CLASP2: variants seen among roughly 807,000 people sequenced by gnomAD.
CLASP2 encodes the protein CLIP-associating protein 2.
Under a neutral mutation model 194.4 loss-of-function variants are expected in CLASP2, and 47 were observed. The observed-to-expected ratio is 0.24, with a 90% CI of 0.19 to 0.31. The LOEUF is 0.31. Ranked by LOEUF, CLASP2 falls within the 10% of genes least tolerant of loss-of-function variation. The pLI, the probability that CLASP2 is intolerant of heterozygous loss-of-function variation, is 1.00. For missense variants in CLASP2, 1,445 were observed against 1,823.6 expected (o/e 0.79, Z 3.78); for synonymous variants, 619 against 633.5 (o/e 0.98, Z 0.34).
intron 16 of CLASP2, 104 bp from the exon 17 acceptor site, chr3:33,604,313 C>CT: frequency 1.5e-6 from 1 of 677,244 alleles, no homozygotes; most frequent in Admixed American, 2.8e-5. Flanking sequence ...AGAAGTATTT[C>CT]TTTTTTCTTT....
At chr3:33,677,635 C>CA (rs1559613211) in intron 6 of CLASP2, among the ~76,000 whole-genome samples, 12 of 150,010 alleles carry the variant, frequency 8.0e-5, no homozygotes, top group Non-Finnish European at 3.0e-5. Flanking sequence ...AGCACACCAG[C>CA]ATGTCACATG....
intron 6 of CLASP2, among the ~76,000 whole-genome samples, chr3:33,679,782 G>A (rs988953381): frequency 5.3e-5 from 8 of 152,164 alleles, no homozygotes; most frequent in Non-Finnish European, 8.8e-5. Flanking sequence ...CACTGCTGGT[G>A]GGAATACAAA....
intron 1 of CLASP2, among the ~76,000 whole-genome samples, chr3:33,698,689 T>G (rs2092147891): frequency 6.6e-6 from 1 of 152,192 alleles, no homozygotes; most frequent in Non-Finnish European, 1.5e-5. Context: ...CATTGAAACC[T>G]AACTCAACTC....
rs766114389 is a variant in CLASP2, at chr3:33,607,455, T to G, written c.1455A>C (p.Ala485=). Residue 485 remains alanine (A), a synonymous_variant, in exon 15 of 39, where the codon GCA becomes GCC. Transcript: ENST00000682230. ...EWQTHSLERH[A]AVLVETIKKG... ...TTTTAATAGTTTCAACCAAGACGGC[T>G]GCATGTCTATAAAATAAAATACATC... The G allele has an allele frequency of 1.7e-5, 27 of 1,604,404 alleles. No homozygotes were observed. Among genetic ancestry groups the G allele is most frequent in the Non-Finnish European group, 2.2e-5 (26 of 1,175,204 alleles).
chr3:33,613,386 T>C (rs1250543316), intron 12 of CLASP2, among the ~76,000 whole-genome samples: 2 of 152,136 alleles, frequency 1.3e-5, no homozygotes, highest in Non-Finnish European at 2.9e-5. Context: ...ATATGGGCAA[T>C]ACTGGGAAGG....
At chr3:33,500,829 C>T (rs1285168389) in intron 38 of CLASP2, among the ~76,000 whole-genome samples, 1 of 152,188 alleles carries the variant, frequency 6.6e-6, no homozygotes, top group Non-Finnish European at 1.5e-5. Context: ...GTGCTTTCTG[C>T]TAAATGGTTC....
chr3:33,701,896 T>G (rs184850710), intron 1 of CLASP2, among the ~76,000 whole-genome samples: 9 of 152,130 alleles, frequency 5.9e-5, no homozygotes, highest in African/African-American at 1.7e-4. Context: ...TCTTTACACC[T>G]GGAGTACACA....
intron 1 of CLASP2, among the ~76,000 whole-genome samples, chr3:33,702,770 A>C (rs890254461): frequency 6.6e-6 from 1 of 152,184 alleles, no homozygotes; most frequent in African/African-American, 2.4e-5. Flanking sequence ...CCCATTTTTT[A>C]AAATGAGCAA....
chr3:33,542,917 G>C (rs1442348079), intron 32 of CLASP2, among the ~76,000 whole-genome samples: 1 of 151,956 alleles, frequency 6.6e-6, no homozygotes, highest in South Asian at 2.1e-4. Context: ...AGGCTGTCAG[G>C]TTTTCTTTCC....
chr3:33,602,015 CTTTTTT>C (rs1163557505), intron 18 of CLASP2, among the ~76,000 whole-genome samples: 1 of 140,116 alleles, frequency 7.1e-6, no homozygotes. Context: ...TCCGAAATAC[CTTTTTT>C]TTTTTTTTTT....
chr3:33,673,280 C>T (rs1197930146), intron 6 of CLASP2, among the ~76,000 whole-genome samples: 1 of 152,112 alleles, frequency 6.6e-6, no homozygotes. Flanking sequence ...AGAGTGGGGG[C>T]CAATATTCAA....
Position 33,626,988 on chromosome 3 carries a change from T to C in CLASP2, c.1035A>G (p.Ala345=), listed in dbSNP as rs761731719. The C allele has an allele frequency of 3.8e-6, 6 of 1,564,144 alleles. No individual in the cohort carries two copies. In the East Asian group the frequency reaches 1.4e-4, roughly 35 times the overall value. The change falls in exon 10 of 39, where the codon GCA becomes GCG. Residue 345 remains alanine, a splice_region_variant and synonymous_variant. Transcript: ENST00000682230. ...DKHDWDQRAN[A]LKKIRSLLVA... Reference sequence around the variant, plus strand: ...AAGAAAATTAAAGACAAAAACTTACTGCATTGGCACGCTGATCCCAGTCAT... The same window carrying C: ...AAGAAAATTAAAGACAAAAACTTACCGCATTGGCACGCTGATCCCAGTCAT...
chr3:33,685,899 AGAAGTTCTG>A (rs2090605760), intron 5 of CLASP2, among the ~76,000 whole-genome samples: 1 of 152,134 alleles, frequency 6.6e-6, no homozygotes, highest in Admixed American at 6.6e-5. Flanking sequence ...GGGAAGATGA[AGAAGTTCTG>A]GAGCTAGATG....
intron 2 of CLASP2, among the ~76,000 whole-genome samples, chr3:33,691,952 T>C (rs2091400506): frequency 6.6e-6 from 1 of 152,146 alleles, no homozygotes; most frequent in African/African-American, 2.4e-5. Flanking sequence ...AGTGGATCAC[T>C]TGGGGCCAGG....
At chr3:33,515,884 T>C in intron 36 of CLASP2, 139 bp downstream of exon 36, 1 of 721,186 alleles carries the variant, frequency 1.4e-6, no homozygotes, top group South Asian at 3.6e-5. Flanking sequence ...AAAAATATGC[T>C]TGCATCTCGA....
intron 9 of CLASP2, among the ~76,000 whole-genome samples, chr3:33,628,602 T>A (rs1331016641): frequency 6.6e-6 from 1 of 152,148 alleles, no homozygotes; most frequent in African/African-American, 2.4e-5. Context: ...TGGAAGACCA[T>A]TATTCCAATT....
intron 8 of CLASP2, among the ~76,000 whole-genome samples, chr3:33,639,023 T>A (rs1424005333): frequency 2.0e-5 from 3 of 152,178 alleles, no homozygotes; most frequent in Non-Finnish European, 4.4e-5. Context: ...AGGTACTATA[T>A]CTTTTTGTAA....
intron 8 of CLASP2, among the ~76,000 whole-genome samples, chr3:33,642,920 G>T (rs1559502720): frequency 6.6e-6 from 1 of 151,758 alleles, no homozygotes; most frequent in Non-Finnish European, 1.5e-5. Context: ...AAGAGGAAGA[G>T]AAAAAGGAGA....
At chr3:33,712,621 C>T (rs982343545) in intron 1 of CLASP2, among the ~76,000 whole-genome samples, 7 of 151,884 alleles carry the variant, frequency 4.6e-5, no homozygotes, top group Non-Finnish European at 7.4e-5. Context: ...AATGAGGTTC[C>T]GAATTTAGAG....
Sources: allele counts gnomAD v4.1 joint callset (sites outside exome capture counted in the v4.1 genomes callset), GRCh38; gene constraint gnomAD v4.1.1; transcripts MANE v1.5; gene names NCBI Gene and HGNC (gene_info 2026-07-23, HGNC 2026-07-21).